Variants in CHD2 observed in about 807,000 individuals in gnomAD.
CHD2 encodes chromodomain helicase DNA binding protein 2.
Under a neutral mutation model 243.9 loss-of-function variants are expected in CHD2, and 28 were observed. The ratio of observed to expected loss-of-function variants is 0.11; its 90% confidence interval spans 0.09 to 0.16. The LOEUF (loss-of-function observed/expected upper bound fraction) is 0.16, where lower values mean the gene tolerates loss of function less well. Among genes scored for constraint, CHD2 ranks in the 10% least tolerant of loss-of-function variants. The pLI is 1.00. For missense variants in CHD2, 1,386 were observed against 2,209.8 expected (o/e 0.63, Z 7.47); for synonymous variants, 775 against 779.0 (o/e 0.99, Z 0.09).
At chr15:92,934,674 T>A (rs1014010505) in intron 5 of CHD2, among the ~76,000 whole-genome samples, 2 of 152,210 alleles carry the variant, frequency 1.3e-5, no homozygotes, top group African/African-American at 4.8e-5. Context: ...TTGTAACAGC[T>A]CAGTCACTTT....
At chr15:92,927,420 C>T (rs2053083752) in intron 4 of CHD2, 90 bp downstream of exon 4, 1 of 940,962 alleles carries the variant, frequency 1.1e-6, no homozygotes, top group Non-Finnish European at 1.7e-6. Flanking sequence ...ATTAAAAAGA[C>T]TGAACTTCAG....
intron 38 of CHD2, among the ~76,000 whole-genome samples, chr15:93,022,607 G>A (rs1257928988): frequency 6.6e-6 from 1 of 152,162 alleles, no homozygotes; most frequent in Non-Finnish European, 1.5e-5. Flanking sequence ...TTCCCCACAT[G>A]CACATCCTAA....
chr15:92,912,659 G>A (rs1392615229), intron 2 of CHD2, among the ~76,000 whole-genome samples: 1 of 152,166 alleles, frequency 6.6e-6, no homozygotes, highest in African/African-American at 2.4e-5. Context: ...TCAGCCTTCT[G>A]AGTAGCTGGG....
Position 92,953,729 on chromosome 15 carries a change from G to A in CHD2, c.1719+156G>A, listed in dbSNP as rs2053582074. ...TAGGAGGTTTATCTATCACAAAAGT[G>A]CAACTCAGATGTTCTTTAACAAATA... is the stretch of plus-strand genomic sequence containing the variant. On this transcript the variant is annotated intron_variant, in intron 14 of 38. Coordinates refer to ENST00000394196, the MANE Select transcript of CHD2 (RefSeq NM_001271.4). 9.0e-6 allele frequency: 6 copies of A among 669,088 alleles called. No individual in the cohort carries two copies. In the Admixed American group the frequency reaches 1.7e-4, roughly 19 times the overall value. 41.4% of individuals were successfully genotyped at this position (669,088 alleles called of 1,614,324 possible). A position where few individuals can be genotyped will look rare whatever the true frequency, so the allele number is the denominator to read the frequency against.
rs141421087 is a variant in CHD2, at chr15:92,900,859, T to C, written c.-72+35T>C. 4.8e-3 allele frequency: 1,932 copies of C among 404,774 alleles called. 8 individuals are homozygous for C. The highest frequency in any genetic ancestry group is 6.8e-3 in the Non-Finnish European group (1,561 of 230,996). 25.1% of individuals were successfully genotyped at this position (404,774 alleles called of 1,614,324 possible). A position where few individuals can be genotyped will look rare whatever the true frequency, so the allele number is the denominator to read the frequency against. On this transcript the variant is annotated intron_variant, in intron 1 of 38. Transcript: ENST00000394196. Reference sequence around the variant, plus strand: ...CGATCATTGGTGATAATTTTAAAGATTTATTTGTTTAAGTTTGCCTTGTTT... The same window carrying C: ...CGATCATTGGTGATAATTTTAAAGACTTATTTGTTTAAGTTTGCCTTGTTT...
chr15:93,024,039 A>C (rs2054564437), intron 38 of CHD2, among the ~76,000 whole-genome samples: 1 of 152,086 alleles, frequency 6.6e-6, no homozygotes, highest in South Asian at 2.1e-4. Flanking sequence ...CTTACAAAAT[A>C]ATTTCTGTGG....
Position 92,931,837 on chromosome 15 carries a change from C to G in CHD2, c.443+2746C>G, listed in dbSNP as rs928755388. Among the ~76,000 whole-genome samples, 4 of 150,734 alleles carry G rather than the reference C, an allele frequency of 2.7e-5. No individual in the cohort carries two copies. In the South Asian group the frequency reaches 8.4e-4, roughly 32 times the overall value. ...TAAGCACAGTACAGTACAGATTCAA[C>G]TTAGATTTAAAACATTGCTGACGTA... On this transcript the variant is annotated intron_variant, in intron 5 of 38. Coordinates refer to ENST00000394196, the MANE Select transcript of CHD2 (RefSeq NM_001271.4).
intron 2 of CHD2, chr15:92,904,768 C>T: frequency 7.1e-7 from 1 of 1,403,270 alleles, no homozygotes; most frequent in African/African-American, 1.5e-5. Flanking sequence ...ACCTTAGCGT[C>T]CCTTCTCCCC....
chr15:92,926,935 C>CT (rs1412953912), intron 3 of CHD2, among the ~76,000 whole-genome samples: 7 of 152,054 alleles, frequency 4.6e-5, no homozygotes, highest in Non-Finnish European at 7.3e-5. Context: ...TCAGTAAATA[C>CT]TTTGTCTTTA....
chr15:93,019,236 AG>A (rs1368572905), intron 37 of CHD2, among the ~76,000 whole-genome samples: 1 of 152,208 alleles, frequency 6.6e-6, no homozygotes, highest in Non-Finnish European at 1.5e-5. Flanking sequence ...CAGGCACAGC[AG>A]GTACCAGCAG....
At chr15:92,952,623 C>T (rs1430552091) in intron 13 of CHD2, among the ~76,000 whole-genome samples, 1 of 152,186 alleles carries the variant, frequency 6.6e-6, no homozygotes, top group Non-Finnish European at 1.5e-5. Flanking sequence ...GGAGCTCAGG[C>T]ACTAATGCCA....
In CHD2 at chr15:93,026,967, G is replaced by A. The variant is rs977080042; in HGVS notation, c.*2262G>A. On this transcript the variant is annotated 3_prime_UTR_variant, in exon 39 of 39. Transcript: ENST00000394196. Reference sequence around the variant, plus strand: ...ATAGGAGATGTGAGTTATGCCCAGAGATGTCTTATCGTGAGGAAAAAGAAA... The same window carrying A: ...ATAGGAGATGTGAGTTATGCCCAGAAATGTCTTATCGTGAGGAAAAAGAAA... 6.6e-6 allele frequency: 1 copy of A among 152,654 alleles called. No individual in the cohort carries two copies. The highest frequency in any genetic ancestry group is 2.1e-4 in the South Asian group (1 of 4,836). 9.5% of individuals were successfully genotyped at this position (152,654 alleles called of 1,614,324 possible).
intron 4 of CHD2, 69 bp downstream of exon 4, chr15:92,927,399 T>C (rs1005305660): frequency 3.9e-5 from 45 of 1,146,116 alleles, no homozygotes; most frequent in Non-Finnish European, 5.7e-5. Flanking sequence ...CTGACTCTGG[T>C]ATGTATTACC....
At chr15:92,989,195 C>A (rs1049067345) in intron 26 of CHD2, among the ~76,000 whole-genome samples, 1 of 151,966 alleles carries the variant, frequency 6.6e-6, no homozygotes, top group Non-Finnish European at 1.5e-5. Flanking sequence ...CAATGCCCAG[C>A]TAATTTTTAT....
In CHD2 at chr15:92,972,276, G is replaced by C; in HGVS notation, c.2364G>C (p.Arg788Ser). ...TTTTAAATCTTCAGTCCCTCATAAG[G>C]AGCAGTGGGAAGTTGATTTTATTAG... ...NGQEILLSLI[R>S]SSGKLILLDK... The change falls in exon 19 of 39, where the codon AGG (arginine) becomes AGC (serine). Residue 788 changes from arginine to serine, a missense_variant. By Grantham distance (110) the Arg-to-Ser change is moderately radical. Transcript: ENST00000394196. 6.2e-7 allele frequency: 1 copy of C among 1,610,828 alleles called. No individual in the cohort carries two copies. The highest frequency in any genetic ancestry group is 8.5e-7 in the Non-Finnish European group (1 of 1,179,082).
chr15:92,967,555 G>A, intron 17 of CHD2, 42 bp downstream of exon 17: 2 of 1,458,156 alleles, frequency 1.4e-6, no homozygotes, highest in Non-Finnish European at 9.5e-7. Context: ...GTTGAGATCA[G>A]TACCATGAAA....
chr15:92,976,404 A>G (rs1265697576), intron 20 of CHD2, among the ~76,000 whole-genome samples: 1 of 152,200 alleles, frequency 6.6e-6, no homozygotes, highest in Admixed American at 6.5e-5. Context: ...CCCTCATTCT[A>G]GACACAACTT....
intron 16 of CHD2, among the ~76,000 whole-genome samples, chr15:92,962,738 A>T (rs2053706778): frequency 6.6e-6 from 1 of 152,078 alleles, no homozygotes; most frequent in African/African-American, 2.4e-5. Context: ...TTGAGAATGA[A>T]ATATTTTAAT....
chr15:92,948,198 C>T (rs528593130), intron 12 of CHD2, among the ~76,000 whole-genome samples: 40 of 152,216 alleles, frequency 2.6e-4, no homozygotes, highest in African/African-American at 9.4e-4. Context: ...AAACCAAATT[C>T]ACGCAATTAA....
Sources: gnomAD v4.1 joint callset for allele counts (sites outside exome capture counted in the v4.1 genomes callset) on GRCh38, gnomAD v4.1.1 for gene constraint, MANE v1.5 for transcripts, NCBI Gene and HGNC (gene_info 2026-07-23, HGNC 2026-07-21) for gene names.